THBS1: variants seen among roughly 807,000 people sequenced by gnomAD.
The protein encoded by THBS1 is thrombospondin-1.
A neutral mutation model predicts 126.1 loss-of-function variants in THBS1; 29 were observed. The ratio of observed to expected loss-of-function variants is 0.23; its 90% CI spans 0.17 to 0.31. The LOEUF is 0.31. THBS1 is among the 10% of genes least tolerant of loss of function. THBS1 has a pLI of 1.00. For missense variants in THBS1, 1,198 were observed against 1,545.2 expected, an observed-to-expected ratio of 0.78 and a Z score of 3.77; for synonymous variants, 496 against 577.8, an observed-to-expected ratio of 0.86 and a Z score of 2.03.
At chr15:39,588,305 G>C in intron 9 of THBS1, 87 bp downstream of exon 9, 7 of 1,490,142 alleles carry the variant, frequency 4.7e-6, no homozygotes, top group Non-Finnish European at 6.3e-6. Flanking sequence ...CAGTTCAGTG[G>C]GTCATAGAGC....
chr15:39,598,144 G>A lies in THBS1; in HGVS notation c.*2775G>A, dbSNP rs2140354834. 1 of 152,332 alleles carries A rather than the reference G, an allele frequency of 6.6e-6. No individual in the cohort carries two copies. The highest frequency in any genetic ancestry group is 2.1e-4 in the South Asian group (1 of 4,832). 9.4% of individuals were successfully genotyped at this position (152,332 alleles called of 1,614,324 possible). On this transcript the variant is annotated 3_prime_UTR_variant, in exon 22 of 22. Transcript: ENST00000260356. ...ATTTTTGGATGGGCTAATTATGAAT[G>A]TGGAATACTGACCAGTTAATTTCCA...
At chr15:39,581,751 G>T in intron 1 of THBS1, 78 bp from the exon 2 acceptor site, 1 of 869,456 alleles carries the variant, frequency 1.2e-6, no homozygotes. Context: ...CTGTCCCCAT[G>T]CCCAGCCCCG....
Position 39,593,469 on chromosome 15 carries a change from C to T in THBS1, c.3068C>T (p.Ala1023Val). The change falls in exon 19 of 22, where the codon GCT becomes GTT. Residue 1023 changes from alanine to valine, a missense_variant. Ala to Val is a moderately conservative substitution (Grantham distance 64). Transcript: ENST00000260356. The surrounding 1 kb of genome is among the most constrained non-coding windows in gnomAD (Gnocchi z 5.9). ...FINTERDDDY[A>V]GFVFGYQSSS... ...AACACCGAAAGGGACGATGACTATG[C>T]TGGATTTGTCTTTGGCTACCAGTCC... The T allele has an allele frequency of 1.9e-6, 3 of 1,614,148 alleles. No individual in the cohort carries two copies. The highest frequency in any genetic ancestry group is 2.5e-6 in the Non-Finnish European group (3 of 1,180,040).
At chr15:39,586,252 A>G (rs1035771697) in intron 7 of THBS1, among the ~76,000 whole-genome samples, 1 of 151,934 alleles carries the variant, frequency 6.6e-6, no homozygotes, top group Non-Finnish European at 1.5e-5. Context: ...ACACAAACAC[A>G]CCCTTGTCAC....
Position 39,582,697 on chromosome 15 carries a change from T to G in THBS1, c.572T>G (p.Leu191Arg). The change falls in exon 3 of 22, where the codon CTG (leucine) becomes CGG (arginine). Residue 191 changes from leucine to arginine, a missense_variant. Physicochemically the swap from Leu to Arg is moderately radical, Grantham distance 102. This residue lies in a region of THBS1 where 271 missense variants were observed against 277.0 expected (regional missense o/e 0.98). Coordinates refer to ENST00000260356, the MANE Select transcript of THBS1 (RefSeq NM_003246.4). ...VPIQSVFTRD[L>R]ASIARLRIAK... ...ATCCAAAGCGTCTTCACCAGAGACC[T>G]GGCCAGCATCGCCAGACTCCGCATC... is the stretch of plus-strand genomic sequence containing the variant. The G allele has an allele frequency of 6.2e-7, 1 of 1,613,510 alleles. No homozygotes were observed. The highest frequency in any genetic ancestry group is 8.5e-7 in the Non-Finnish European group (1 of 1,180,010).
intron 3 of THBS1, 87 bp from the exon 4 acceptor site, chr15:39,583,530 G>T: frequency 9.1e-7 from 1 of 1,102,790 alleles, no homozygotes; most frequent in Non-Finnish European, 1.3e-6. Context: ...TCTATTGTAT[G>T]CTTTTCCTAG....
rs1890508210 is a variant in THBS1, at chr15:39,597,808, A to G, written c.*2439A>G. The G allele has an allele frequency of 6.6e-6, 1 of 152,208 alleles. No individual in the cohort carries two copies. The highest frequency in any genetic ancestry group is 2.4e-5 in the African/African-American group (1 of 41,456). 9.4% of individuals were successfully genotyped at this position (152,208 alleles called of 1,614,324 possible). A position where few individuals can be genotyped will look rare whatever the true frequency, so the allele number is the denominator to read the frequency against. On this transcript the variant is annotated 3_prime_UTR_variant, in exon 22 of 22. Transcript: ENST00000260356. ...CCTTTTCAAAGTGCAGTATGAAAAC[A>G]AAGGGAAAAACACTGAAGCACACGC...
Position 39,584,326 on chromosome 15 carries a change from T to A in THBS1, c.930T>A (p.Asn310Lys), listed in dbSNP as rs1267356229. The stretch of plus-strand genomic sequence containing the variant: ...CTGAAGAGAACAAAGAGTTGGCCAA[T>A]GAGCTGAGGCGGCCTCCCCTATGCT... Reference protein sequence around the residue: ...KVTEENKELANELRRPPLCYH... With the variant: ...KVTEENKELAKELRRPPLCYH... Residue 310 changes from asparagine (N) to lysine (K), a missense_variant, in exon 6 of 22, where the codon AAT (asparagine) becomes AAA (lysine). Coordinates refer to ENST00000260356, the MANE Select transcript of THBS1 (RefSeq NM_003246.4). 1 of 1,614,058 alleles carries A rather than the reference T, an allele frequency of 6.2e-7. No homozygotes were observed. Among genetic ancestry groups the A allele is most frequent in the Non-Finnish European group, 8.5e-7 (1 of 1,180,024 alleles).
chr15:39,587,191 G>T, intron 7 of THBS1, 156 bp from the exon 8 acceptor site: 1 of 623,534 alleles, frequency 1.6e-6, no homozygotes, highest in Non-Finnish European at 2.7e-6. Flanking sequence ...CACCTTAAAT[G>T]TATATAATAT....
At chr15:39,584,208 G>A (rs1890167060) in intron 5 of THBS1, 21 bp downstream of exon 5, 1 of 1,613,926 alleles carries the variant, frequency 6.2e-7, no homozygotes, top group East Asian at 2.2e-5. Context: ...TCTGCACCCA[G>A]CCCGTTAGCA....
chr15:39,584,512 CT>C, intron 6 of THBS1, 90 bp downstream of exon 6: 1 of 1,525,534 alleles, frequency 6.6e-7, no homozygotes, highest in Non-Finnish European at 8.9e-7. Context: ...CACAGAGATT[CT>C]TTTTATGTTC....
chr15:39,592,296 A>C lies in THBS1; in HGVS notation c.2533-272A>C, dbSNP rs1339472025. On this transcript the variant is annotated intron_variant, in intron 16 of 21. Transcript: ENST00000260356. The surrounding 1 kb of genome is among the most constrained non-coding windows in gnomAD (Gnocchi z 4.3). ...ATTTCATCTTTAGTAATTAAATATC[A>C]CTCTATTTGACCTTATTTAGAAAGT... is the stretch of plus-strand genomic sequence containing the variant. Among the ~76,000 whole-genome samples, 1 of 152,210 alleles carries C rather than the reference A, an allele frequency of 6.6e-6. No homozygotes were observed. The highest frequency in any genetic ancestry group is 1.5e-5 in the Non-Finnish European group (1 of 68,022).
At position 39,595,641 on chromosome 15, in the gene THBS1, T is replaced by G. The variant is rs930643049; in HGVS notation, c.*272T>G. 7 of 608,432 alleles carry G rather than the reference T, an allele frequency of 1.2e-5. No individual in the cohort carries two copies. The highest frequency in any genetic ancestry group is 4.3e-5 in the Admixed American group (2 of 46,590). 37.7% of individuals were successfully genotyped at this position (608,432 alleles called of 1,614,324 possible). On this transcript the variant is annotated 3_prime_UTR_variant, in exon 22 of 22. Coordinates refer to ENST00000260356, the MANE Select transcript of THBS1 (RefSeq NM_003246.4). ...CCTTTTGAAAAAGCATCTACTTGCTTCAGTTGGGAAGGTGCCCATTCCACT... is the reference window on the plus strand; with the variant it reads ...CCTTTTGAAAAAGCATCTACTTGCTGCAGTTGGGAAGGTGCCCATTCCACT...
chr15:39,581,823 C>A lies in THBS1; in HGVS notation c.-29-6C>A, dbSNP rs781668577. ...TGACCCTCGGCTCTTGTGCTTCCTGCTACAGGATCCCTGCTGGGCACCAAC... is the reference window on the plus strand; with the variant it reads ...TGACCCTCGGCTCTTGTGCTTCCTGATACAGGATCCCTGCTGGGCACCAAC... On this transcript the variant is annotated splice_polypyrimidine_tract_variant and splice_region_variant and intron_variant, in intron 1 of 21. Transcript: ENST00000260356. 1 of 1,602,380 alleles carries A rather than the reference C, an allele frequency of 6.2e-7. No homozygotes were observed. Among genetic ancestry groups the A allele is most frequent in the Non-Finnish European group, 8.5e-7 (1 of 1,169,808 alleles).
rs1890231907 is a variant in THBS1, at chr15:39,587,513, C to T, written c.1287C>T (p.Asp429=). ...QTRTCHIQEC[D]KRFKQDGGWS... ...GGACCTGCCACATTCAGGAGTGTGA[C>T]AAGAGATGTAAGCATCTTAGCCTCT... Residue 429 remains aspartate, a synonymous_variant, in exon 8 of 22, where the codon GAC becomes GAT. Transcript: ENST00000260356. 6.2e-7 allele frequency: 1 copy of T among 1,612,022 alleles called. No individual in the cohort carries two copies. Among genetic ancestry groups the T allele is most frequent in the Non-Finnish European group, 8.5e-7 (1 of 1,178,800 alleles).
At position 39,589,045 on chromosome 15, in the gene THBS1, G is replaced by C. The variant is rs1890271339; in HGVS notation, c.1732G>C (p.Gly578Arg). The change falls in exon 11 of 22, where the codon GGT (glycine) becomes CGT (arginine). Residue 578 changes from glycine to arginine, a missense_variant. Coordinates refer to ENST00000260356, the MANE Select transcript of THBS1 (RefSeq NM_003246.4). The surrounding 1 kb of genome is among the most constrained non-coding windows in gnomAD (Gnocchi z 4.7). The stretch of plus-strand genomic sequence containing the variant: ...CTGGAAATGTGGTGCTTGTCCCCCT[G>C]GTTACAGTGGAAATGGCATCCAGTG... ...GSWKCGACPP[G>R]YSGNGIQCTD... is the part of the protein sequence containing the mutation. 1 of 1,614,126 alleles carries C rather than the reference G, an allele frequency of 6.2e-7. No individual in the cohort carries two copies. Among genetic ancestry groups the C allele is most frequent in the Non-Finnish European group, 8.5e-7 (1 of 1,180,032 alleles).
rs1890510726 is a variant in THBS1 at position 39,597,863 on chromosome 15, G to A, written c.*2494G>A. On this transcript the variant is annotated 3_prime_UTR_variant, in exon 22 of 22. Coordinates refer to ENST00000260356, the MANE Select transcript of THBS1 (RefSeq NM_003246.4). ...CTCACAGCGACATTTTCTGACCCAC[G>A]AATGATGCCTTGGGTGGGCAACACG... is the stretch of plus-strand genomic sequence containing the variant. 1.3e-5 allele frequency: 2 copies of A among 152,192 alleles called. No homozygotes were observed. The highest frequency in any genetic ancestry group is 4.1e-4 in the South Asian group (2 of 4,832). 9.4% of individuals were successfully genotyped at this position (152,192 alleles called of 1,614,324 possible).
In THBS1 at chr15:39,592,795, C is replaced by T. The variant is rs555684914; in HGVS notation, c.2760C>T (p.Asp920=). ...CRLVPNPDQK[D]SDGDGRGDAC... The stretch of plus-strand genomic sequence containing the variant: ...TCGTGCCCAATCCCGACCAGAAGGA[C>T]TCTGACGGTGAGTCATGGGAGCCAC... Residue 920 remains aspartate (D), a synonymous_variant, in exon 17 of 22, where the codon GAC becomes GAT. Coordinates refer to ENST00000260356, the MANE Select transcript of THBS1 (RefSeq NM_003246.4). This position sits in a 1 kb window ranked among gnomAD's most constrained non-coding sequence, Gnocchi z 4.3. The T allele has an allele frequency of 3.7e-6, 6 of 1,612,508 alleles. No homozygotes were observed. Among genetic ancestry groups the T allele is most frequent in the African/African-American group, 1.3e-5 (1 of 75,018 alleles).
chr15:39,590,557 T>C lies in THBS1; in HGVS notation c.2187T>C (p.Tyr729=). Residue 729 remains tyrosine, a synonymous_variant, in exon 14 of 22, where the codon TAT becomes TAC. Coordinates refer to ENST00000260356, the MANE Select transcript of THBS1 (RefSeq NM_003246.4). ...TTCCCAACTCAGGGCAGGAAGACTA[T>C]GACAAGGATGGAATTGGTGATGCCT... ...PNLPNSGQED[Y]DKDGIGDACD... 6.2e-7 allele frequency: 1 copy of C among 1,613,978 alleles called. No individual in the cohort carries two copies. Among genetic ancestry groups the C allele is most frequent in the African/African-American group, 1.3e-5 (1 of 75,020 alleles).
Sources: allele counts gnomAD v4.1 joint callset (sites outside exome capture counted in the v4.1 genomes callset), GRCh38; gene constraint gnomAD v4.1.1; regional missense constraint gnomAD v4.1.1; non-coding constraint Gnocchi (gnomAD v3.1); transcripts MANE v1.5; gene names NCBI Gene and HGNC (gene_info 2026-07-23, HGNC 2026-07-21).